Variants in SMIM10L3 observed in about 807,000 individuals in gnomAD.
The protein encoded by SMIM10L3 is small integral membrane protein 10 like 3.
chr7:6,330,498 C>T, the SMIM10L3 span: 6 of 1,614,048 alleles, frequency 3.7e-6, no homozygotes, highest in African/African-American at 1.3e-5. Context: ...GCTTTGAAAA[C>T]ATGGGCTTTA....
At chr7:6,330,809 G>C in the SMIM10L3 span, 4 of 1,614,138 alleles carry the variant, frequency 2.5e-6, no homozygotes, top group East Asian at 2.2e-5. Flanking sequence ...CAGGACACCC[G>C]AGCAAAACAC....
the SMIM10L3 span, among the ~76,000 whole-genome samples, chr7:6,348,419 G>A: frequency 2.0e-5 from 3 of 152,124 alleles, no homozygotes; most frequent in Non-Finnish European, 4.4e-5. Context: ...GACCACCTCA[G>A]TGGATCTCCC....
At chr7:6,341,549 G>C in the SMIM10L3 span, among the ~76,000 whole-genome samples, 1 of 150,930 alleles carries the variant, frequency 6.6e-6, no homozygotes, top group African/African-American at 2.4e-5. Flanking sequence ...AATTAGCCAG[G>C]TGTAGTGGTG....
chr7:6,335,284 A>G, the SMIM10L3 span, among the ~76,000 whole-genome samples: 4 of 151,278 alleles, frequency 2.6e-5, no homozygotes, highest in East Asian at 7.8e-4. Context: ...GGGCAATGGC[A>G]CAATCTCGGC....
chr7:6,329,421 CAT>C, the SMIM10L3 span: 2 of 152,396 alleles, frequency 1.3e-5, no homozygotes, highest in South Asian at 2.1e-4. Flanking sequence ...TAAAATAAGA[CAT>C]ATTTATTAAG....
At chr7:6,348,862 G>C in the SMIM10L3 span, 1 of 389,202 alleles carries the variant, frequency 2.6e-6, no homozygotes, top group Non-Finnish European at 4.5e-6. Flanking sequence ...AGGAGGCGGC[G>C]GCTAGACCGG....
At chr7:6,346,882 C>T in the SMIM10L3 span, among the ~76,000 whole-genome samples, 1 of 152,162 alleles carries the variant, frequency 6.6e-6, no homozygotes, top group Non-Finnish European at 1.5e-5. Flanking sequence ...CGCCAGGGAG[C>T]AACCCAAGGA....
At chr7:6,338,185 A>C in the SMIM10L3 span, among the ~76,000 whole-genome samples, 1 of 152,200 alleles carries the variant, frequency 6.6e-6, no homozygotes, top group African/African-American at 2.4e-5. Flanking sequence ...ACTGTTATAC[A>C]TATTACCTGT....
the SMIM10L3 span, chr7:6,330,196 A>G: frequency 1.4e-5 from 9 of 639,480 alleles, no homozygotes; most frequent in East Asian, 2.5e-4. Context: ...CATGCCAAAA[A>G]AGTTCCTTCC....
At chr7:6,338,912 G>A in the SMIM10L3 span, among the ~76,000 whole-genome samples, 135 of 152,222 alleles carry the variant, frequency 8.9e-4, no homozygotes, top group African/African-American at 2.7e-3. Flanking sequence ...AGGGACTGCC[G>A]CACGCAAGGA....
the SMIM10L3 span, among the ~76,000 whole-genome samples, chr7:6,334,004 G>A: frequency 1.0e-3 from 156 of 151,252 alleles, no homozygotes; most frequent in Non-Finnish European, 1.7e-3. Context: ...CCGCCACCAC[G>A]CCCGGCTAAT....
At chr7:6,347,211 G>T in the SMIM10L3 span, among the ~76,000 whole-genome samples, 9 of 152,100 alleles carry the variant, frequency 5.9e-5, no homozygotes, top group African/African-American at 2.2e-4. Flanking sequence ...GAATTCAAGG[G>T]ATGTAGAAAT....
At chr7:6,346,461 G>C in the SMIM10L3 span, among the ~76,000 whole-genome samples, 1 of 152,112 alleles carries the variant, frequency 6.6e-6, no homozygotes, top group Non-Finnish European at 1.5e-5. Flanking sequence ...CTGCCTCCCA[G>C]GCTCAAGCGA....
the SMIM10L3 span, among the ~76,000 whole-genome samples, chr7:6,337,036 A>T: frequency 6.6e-6 from 1 of 151,994 alleles, no homozygotes; most frequent in African/African-American, 2.4e-5. Context: ...GGATTCCTAA[A>T]TATATTTCAA....
the SMIM10L3 span, among the ~76,000 whole-genome samples, chr7:6,333,910 C>G: frequency 5.5e-5 from 8 of 144,632 alleles, no homozygotes; most frequent in East Asian, 6.4e-4. Flanking sequence ...GCAGTGGCGC[C>G]ATCTCAGCTC....
At chr7:6,338,911 C>G in the SMIM10L3 span, among the ~76,000 whole-genome samples, 1 of 152,120 alleles carries the variant, frequency 6.6e-6, no homozygotes. Flanking sequence ...GAGGGACTGC[C>G]GCACGCAAGG....
the SMIM10L3 span, chr7:6,330,575 C>G: frequency 6.2e-7 from 1 of 1,614,154 alleles, no homozygotes; most frequent in Non-Finnish European, 8.5e-7. Context: ...TGCAGCGTTG[C>G]AGACAGGATG....
At chr7:6,333,017 C>CGTGCTGGCG in the SMIM10L3 span, among the ~76,000 whole-genome samples, 2 of 151,874 alleles carry the variant, frequency 1.3e-5, no homozygotes, top group Admixed American at 1.3e-4. Context: ...AACAGCCAGA[C>CGTGCTGGCG]GTGCTGGCGG....
chr7:6,347,479 G>A, the SMIM10L3 span, among the ~76,000 whole-genome samples: 18 of 151,598 alleles, frequency 1.2e-4, no homozygotes, highest in African/African-American at 2.9e-4. Context: ...TGGCGCCACC[G>A]CACTCCAGCT....
Sources: allele counts gnomAD v4.1 joint callset (sites outside exome capture counted in the v4.1 genomes callset), GRCh38; gene constraint gnomAD v4.1.1; transcripts MANE v1.5; gene names NCBI Gene and HGNC (gene_info 2026-07-23, HGNC 2026-07-21).